The following NTM variants were observed in gnomAD, a reference collection of about 807,000 sequenced individuals.
The protein encoded by NTM is neurotrimin.
Under a neutral mutation model 42.1 loss-of-function variants are expected in NTM, and 13 were observed. The observed-to-expected ratio is 0.31, with a 90% CI of 0.20 to 0.49. The LOEUF (loss-of-function observed/expected upper bound fraction) is 0.49. NTM is among the 20% of genes least tolerant of loss of function. NTM has a pLI of 0.99. For missense variants in NTM, 373 were observed against 452.8 expected (o/e 0.82, Z 1.60); for synonymous variants, 187 against 179.2 (o/e 1.04, Z -0.35).
intron 1 of NTM, among the ~76,000 whole-genome samples, chr11:131,455,691 G>A (rs1950828341): frequency 6.6e-6 from 1 of 152,196 alleles, no homozygotes; most frequent in Non-Finnish European, 1.5e-5. Context: ...GTCTGGATGT[G>A]ATCCAACAGG....
chr11:131,819,209 A>G (rs991348027), intron 1 of NTM, among the ~76,000 whole-genome samples: 1 of 152,116 alleles, frequency 6.6e-6, no homozygotes, highest in Non-Finnish European at 1.5e-5. Context: ...AAACTTCTCT[A>G]CTGGGGAGAC....
intron 2 of NTM, among the ~76,000 whole-genome samples, chr11:132,084,871 C>G (rs1594498694): frequency 6.6e-6 from 1 of 152,260 alleles, no homozygotes; most frequent in East Asian, 1.9e-4. Context: ...TTGATGTCAA[C>G]CCCAATTTAT....
chr11:131,604,590 C>G (rs935411928), intron 1 of NTM, among the ~76,000 whole-genome samples: 4 of 150,374 alleles, frequency 2.7e-5, no homozygotes, highest in African/African-American at 9.8e-5. Flanking sequence ...ATCTAAGAAG[C>G]TATTTCATAG....
At chr11:131,774,798 T>C (rs1225547304) in intron 1 of NTM, among the ~76,000 whole-genome samples, 1 of 152,228 alleles carries the variant, frequency 6.6e-6, no homozygotes, top group Non-Finnish European at 1.5e-5. Flanking sequence ...TGCTGTGGGC[T>C]CTTCCTAGAT....
intron 1 of NTM, among the ~76,000 whole-genome samples, chr11:131,819,299 C>A (rs73579954): frequency 0.13 from 19,612 of 152,112 alleles, 1,945 homozygotes; most frequent in African/African-American, 0.28. Flanking sequence ...GAAGCCTGAG[C>A]TGCACCCCCA....
rs1453738741 is a variant in NTM, at chr11:132,122,613, T to C, written c.168-23669T>C. ...AAAAGTGGTGCCTTTGGTCTGATCA[T>C]CTGAGGACAAATAAGCAGCAGTGCC... On this transcript the variant is annotated intron_variant, in intron 2 of 8. Transcript: ENST00000683400. 2.6e-5 allele frequency among the ~76,000 whole-genome samples: 4 copies of C among 152,104 alleles called. No individual in the cohort carries two copies. In the South Asian group the frequency reaches 6.2e-4, roughly 24 times the overall value.
At chr11:132,109,506 G>A (rs2062873276) in intron 2 of NTM, among the ~76,000 whole-genome samples, 1 of 152,052 alleles carries the variant, frequency 6.6e-6, no homozygotes. Context: ...TTGTTTATAA[G>A]GAAAAAAATT....
chr11:132,108,204 A>C (rs2062661467), intron 2 of NTM, among the ~76,000 whole-genome samples: 1 of 152,052 alleles, frequency 6.6e-6, no homozygotes, highest in African/African-American at 2.4e-5. Context: ...ATATATCCCC[A>C]CTTCATACCT....
chr11:131,821,799 C>T (rs529004013), intron 1 of NTM, among the ~76,000 whole-genome samples: 11 of 152,294 alleles, frequency 7.2e-5, no homozygotes, highest in African/African-American at 2.4e-4. Context: ...AAGACACTGA[C>T]GAGTTTTACA....
chr11:131,756,791 A>C (rs985790880), intron 1 of NTM, among the ~76,000 whole-genome samples: 6 of 152,230 alleles, frequency 3.9e-5, no homozygotes, highest in African/African-American at 1.4e-4. Context: ...CATCTGATTT[A>C]CTTTACCTGA....
chr11:131,405,099 C>T (rs1355927152), intron 1 of NTM, among the ~76,000 whole-genome samples: 12 of 152,162 alleles, frequency 7.9e-5, no homozygotes, highest in African/African-American at 1.2e-4. Context: ...TTGTCTGTTA[C>T]GCTTCAACCT....
At chr11:132,248,236 A>T in intron 4 of NTM, among the ~76,000 whole-genome samples, 1 of 152,152 alleles carries the variant, frequency 6.6e-6, no homozygotes, top group East Asian at 1.9e-4. Context: ...GTCACTGTAG[A>T]GTTGAGATAA....
At chr11:131,395,879 C>T (rs537724710) in intron 1 of NTM, among the ~76,000 whole-genome samples, 59 of 152,294 alleles carry the variant, frequency 3.9e-4, no homozygotes, top group African/African-American at 1.3e-3. Context: ...CTAAAAAACA[C>T]CCAGTGGCTT....
At position 131,579,620 on chromosome 11, in the gene NTM, A is replaced by C. The variant is rs578115038; in HGVS notation, c.82+208732A>C. 3.9e-5 allele frequency among the ~76,000 whole-genome samples: 6 copies of C among 152,342 alleles called. No individual in the cohort carries two copies. In the South Asian group the frequency reaches 1.2e-3, roughly 32 times the overall value. ...AGGAAGACCTCTTACAGTATTTGCA[A>C]GGCTATCTTCTGAAGGAAGAGTGGT... is the stretch of plus-strand genomic sequence containing the variant. On this transcript the variant is annotated intron_variant, in intron 1 of 8. Coordinates refer to ENST00000683400, the MANE Select transcript of NTM (RefSeq NM_001352005.2).
At chr11:131,371,481 G>T (rs1374779088) in intron 1 of NTM, among the ~76,000 whole-genome samples, 1 of 152,192 alleles carries the variant, frequency 6.6e-6, no homozygotes, top group Non-Finnish European at 1.5e-5. Context: ...TGTGGCTGGG[G>T]TCGGAGGTGT....
chr11:132,000,079 G>T (rs939006175), intron 2 of NTM, among the ~76,000 whole-genome samples: 2 of 151,892 alleles, frequency 1.3e-5, no homozygotes, highest in African/African-American at 4.8e-5. Flanking sequence ...GAGTTATATC[G>T]GTACATTCAG....
rs1302953781 is a variant in NTM at position 131,598,871 on chromosome 11, TCCTTCTTCCTTC to T, written c.82+227985_82+227996del. On this transcript the variant is annotated intron_variant, in intron 1 of 8. Coordinates refer to ENST00000683400, the MANE Select transcript of NTM (RefSeq NM_001352005.2). The stretch of plus-strand genomic sequence containing the variant: ...TTTCTTCCTTCCTTCCTTCCTTCCT[TCCTTCTTCCTTC>T]CTTCCTTCCTTCCTTCCTTCCTTCC... Among the ~76,000 whole-genome samples the T allele has an allele frequency of 5.8e-3, 442 of 76,728 alleles. 66 individuals are homozygous for T. Among genetic ancestry groups the T allele is most frequent in the African/African-American group, 0.021 (391 of 18,818 alleles). The allele number at this position is 76,728 out of a possible 152,430, so 50.3% of individuals were successfully genotyped here.
intron 1 of NTM, among the ~76,000 whole-genome samples, chr11:131,603,175 G>A (rs577500953): frequency 7.9e-5 from 12 of 152,126 alleles, no homozygotes; most frequent in Middle Eastern, 6.8e-3. Flanking sequence ...TCCCATGCTT[G>A]CCTCTCCCCA....
intron 1 of NTM, among the ~76,000 whole-genome samples, chr11:131,716,753 G>A (rs1455425498): frequency 5.3e-5 from 8 of 152,016 alleles, no homozygotes; most frequent in African/African-American, 1.7e-4. Context: ...TTGTCAGTAT[G>A]GATGCATTTC....
Sources: allele counts gnomAD v4.1 joint callset (sites outside exome capture counted in the v4.1 genomes callset), GRCh38; gene constraint gnomAD v4.1.1; transcripts MANE v1.5; gene names NCBI Gene and HGNC (gene_info 2026-07-23, HGNC 2026-07-21).